The following TBC1D8 variants were observed in gnomAD, a reference collection of about 807,000 sequenced individuals.
TBC1D8 encodes BUB2-like protein 1.
In TBC1D8, 65 loss-of-function variants were observed where a neutral mutation model predicts 118.8. The ratio of observed to expected loss-of-function variants is 0.55; its 90% CI spans 0.45 to 0.67. The LOEUF (loss-of-function observed/expected upper bound fraction) is 0.67, where lower values mean the gene tolerates loss of function less well. Among genes scored for constraint, TBC1D8 ranks in the 30% least tolerant of loss-of-function variants. The pLI is 0.00. For synonymous variants in TBC1D8, 566 were observed against 595.8 expected (o/e 0.95, Z 0.73); for missense variants, 1,376 against 1,471.2 (o/e 0.94, Z 1.06).
intron 1 of TBC1D8, among the ~76,000 whole-genome samples, chr2:101,118,420 G>A (rs1045688572): frequency 3.9e-5 from 6 of 152,176 alleles, no homozygotes; most frequent in Non-Finnish European, 8.8e-5. Context: ...CAGGTAGCCG[G>A]GCACAGTGGC....
intron 1 of TBC1D8, among the ~76,000 whole-genome samples, chr2:101,130,664 T>C (rs1239627883): frequency 6.6e-6 from 1 of 152,204 alleles, no homozygotes; most frequent in East Asian, 1.9e-4. Flanking sequence ...GGCTGACATA[T>C]TTAGAAGGAT....
chr2:101,038,316 G>C, intron 7 of TBC1D8, 145 bp downstream of exon 7: 1 of 973,484 alleles, frequency 1.0e-6, no homozygotes, highest in Non-Finnish European at 1.5e-6. Context: ...TCTCAGGACA[G>C]CCGGCACATC....
intron 17 of TBC1D8, among the ~76,000 whole-genome samples, chr2:101,012,678 T>G (rs1384089624): frequency 2.6e-5 from 4 of 151,408 alleles, no homozygotes; most frequent in Non-Finnish European, 4.4e-5. Flanking sequence ...ACTTGCATGG[T>G]GCGTGAAATA....
At chr2:101,148,779 G>A (rs904685055) in intron 1 of TBC1D8, among the ~76,000 whole-genome samples, 4 of 152,092 alleles carry the variant, frequency 2.6e-5, no homozygotes, top group African/African-American at 4.8e-5. Flanking sequence ...CCAAACAAAA[G>A]TCTACAACCT....
intron 1 of TBC1D8, among the ~76,000 whole-genome samples, chr2:101,126,318 G>A (rs1678352989): frequency 6.6e-6 from 1 of 152,152 alleles, no homozygotes; most frequent in Admixed American, 6.5e-5. Flanking sequence ...CCAATACTAG[G>A]TGGGCATCAA....
chr2:101,044,240 G>A (rs544744572), intron 5 of TBC1D8, among the ~76,000 whole-genome samples: 1 of 152,302 alleles, frequency 6.6e-6, no homozygotes, highest in South Asian at 2.1e-4. Context: ...CTCCCTACTA[G>A]AAAGTTGTCT....
chr2:101,099,070 A>G (rs1407688608), intron 1 of TBC1D8, among the ~76,000 whole-genome samples: 2 of 151,838 alleles, frequency 1.3e-5, no homozygotes, highest in African/African-American at 4.8e-5. Context: ...AAAAAAATCT[A>G]TGAATCCAGA....
chr2:101,104,743 C>T (rs1484767083), intron 1 of TBC1D8, among the ~76,000 whole-genome samples: 3 of 152,130 alleles, frequency 2.0e-5, no homozygotes, highest in African/African-American at 4.8e-5. Flanking sequence ...AGGTCAGGCG[C>T]GGTGGCTCAT....
At chr2:101,019,060 A>G in intron 17 of TBC1D8, 1 of 1,608,038 alleles carries the variant, frequency 6.2e-7, no homozygotes, top group Non-Finnish European at 8.5e-7. Context: ...CTGGAAGTGG[A>G]TGAGGCCTTG....
chr2:101,058,150 G>A (rs1162296584), intron 3 of TBC1D8, among the ~76,000 whole-genome samples: 1 of 152,182 alleles, frequency 6.6e-6, no homozygotes, highest in African/African-American at 2.4e-5. Flanking sequence ...GGGCCAGGAT[G>A]AGGGCTGACC....
At position 101,151,145 on chromosome 2, in the gene TBC1D8, C is replaced by A; in HGVS notation, c.109G>T (p.Gly37Trp). The A allele has an allele frequency of 8.4e-7, 1 of 1,193,912 alleles. No homozygotes were observed. The highest frequency in any genetic ancestry group is 1.1e-6 in the Non-Finnish European group (1 of 939,234). The allele number at this position is 1,193,912 out of a possible 1,614,324, so 74.0% of individuals were successfully genotyped here. ...CCCTTACCGGTGAGGCGGCCGCCCC[C>A]CTCGCCGTGCCCGCGGCGCCGCTGC... ...ILQRRRGHGE[G>W]GGRLTGRLVG... Residue 37 changes from glycine to tryptophan, a missense_variant, in exon 1 of 20, where the codon GGG (glycine) becomes TGG (tryptophan). Physicochemically the swap from Gly to Trp is radical, Grantham distance 184. Coordinates refer to ENST00000409318, the MANE Select transcript of TBC1D8 (RefSeq NM_001330348.2).
Position 101,007,719 on chromosome 2 carries a change from G to T in TBC1D8, c.*102C>A. On this transcript the variant is annotated 3_prime_UTR_variant, in exon 20 of 20. Transcript: ENST00000409318. Reference sequence around the variant, plus strand: ...AGGTTGTTTAGCCAGATGCCCCATTGGTAAGGTAGACTGAAATCTCGGTTT... The same window carrying T: ...AGGTTGTTTAGCCAGATGCCCCATTTGTAAGGTAGACTGAAATCTCGGTTT... 8.1e-7 allele frequency: 1 copy of T among 1,232,542 alleles called. No homozygotes were observed. The highest frequency in any genetic ancestry group is 1.5e-5 in the African/African-American group (1 of 66,466). 76.4% of individuals were successfully genotyped at this position (1,232,542 alleles called of 1,614,324 possible). A position where few individuals can be genotyped will look rare whatever the true frequency, so the allele number is the denominator to read the frequency against.
rs11683877 is a variant in TBC1D8, at chr2:101,028,393, G to C, written c.2262C>G (p.Pro754=). 1 of 1,607,298 alleles carries C rather than the reference G, an allele frequency of 6.2e-7. No homozygotes were observed. Among genetic ancestry groups the C allele is most frequent in the Admixed American group, 1.7e-5 (1 of 59,372 alleles). Residue 754 remains proline, a synonymous_variant, in exon 13 of 20, where the codon CCC becomes CCG. Transcript: ENST00000409318. ...DHIKNEDSPG[P]PVGSHHAFFS... ...AAAAGGCATGGTGGCTGCCAACTGG[G>C]GGCCCTGGGCTGTCCTCATTCTTAA...
At chr2:101,086,783 T>A (rs887959824) in intron 2 of TBC1D8, among the ~76,000 whole-genome samples, 5 of 151,996 alleles carry the variant, frequency 3.3e-5, no homozygotes, top group African/African-American at 4.8e-5. Flanking sequence ...CGCAAAAAAA[T>A]TTCTTTTTTT....
At chr2:101,102,823 G>C (rs536535017) in intron 1 of TBC1D8, among the ~76,000 whole-genome samples, 1 of 151,724 alleles carries the variant, frequency 6.6e-6, no homozygotes, top group Non-Finnish European at 1.5e-5. Context: ...TGGGAAGACT[G>C]CTTGAGGCCA....
intron 17 of TBC1D8, among the ~76,000 whole-genome samples, chr2:101,012,029 GTGAATTCA>G (rs1679255266): frequency 8.2e-6 from 1 of 122,318 alleles, no homozygotes; most frequent in Non-Finnish European, 2.0e-5. Context: ...AAAAGCCTTA[GTGAATTCA>G]AAGCAGCATC....
intron 1 of TBC1D8, among the ~76,000 whole-genome samples, chr2:101,130,872 A>G (rs1485975161): frequency 2.0e-5 from 3 of 152,194 alleles, no homozygotes; most frequent in Non-Finnish European, 4.4e-5. Flanking sequence ...TCTAACTGTT[A>G]TTGACCACAA....
At position 101,082,069 on chromosome 2, in the gene TBC1D8, G is replaced by T. The variant is rs144479838; in HGVS notation, c.283+8140C>A. 3.8e-3 allele frequency among the ~76,000 whole-genome samples: 585 copies of T among 152,320 alleles called. 3 individuals are homozygous for T. The highest frequency in any genetic ancestry group is 0.017 in the Middle Eastern group (5 of 294). On this transcript the variant is annotated intron_variant, in intron 2 of 19. Transcript: ENST00000409318. The stretch of plus-strand genomic sequence containing the variant: ...CAAGAGAATCACTCGAGCCTGGGAG[G>T]CGGAGGTTGCCGTGAACCAGTATCA...
chr2:101,099,278 T>G (rs1676670998), intron 1 of TBC1D8, among the ~76,000 whole-genome samples: 2 of 152,240 alleles, frequency 1.3e-5, no homozygotes, highest in Non-Finnish European at 2.9e-5. Context: ...GATAAATTTC[T>G]GGACGCATAC....
Sources: gnomAD v4.1 joint callset for allele counts (sites outside exome capture counted in the v4.1 genomes callset) on GRCh38, gnomAD v4.1.1 for gene constraint, MANE v1.5 for transcripts, NCBI Gene and HGNC (gene_info 2026-07-23, HGNC 2026-07-21) for gene names.